The following TIAM1 variants were observed in gnomAD, a reference collection of about 807,000 sequenced individuals.
TIAM1 encodes the protein TIAM Rac1 associated GEF 1.
Under a neutral mutation model 163.5 loss-of-function variants are expected in TIAM1, and 65 were observed. That is an observed-to-expected ratio of 0.40 (90% CI 0.33 to 0.49). The LOEUF (loss-of-function observed/expected upper bound fraction) is 0.49. Ranked by LOEUF, TIAM1 falls within the 20% of genes least tolerant of loss-of-function variation. The probability of loss-of-function intolerance (pLI) is 0.77; values close to 1 mark genes in which losing one functional copy is unlikely to be tolerated. For synonymous variants in TIAM1, 833 were observed against 810.1 expected (o/e 1.03, Z -0.48); for missense variants, 1,789 against 2,044.7 (o/e 0.87, Z 2.41).
At chr21:31,298,053 G>C (rs2074357878) in intron 2 of TIAM1, among the ~76,000 whole-genome samples, 1 of 152,148 alleles carries the variant, frequency 6.6e-6, no homozygotes, top group Non-Finnish European at 1.5e-5. Context: ...CACCTGGGTG[G>C]GGGAGGGCAC....
chr21:31,310,492 G>C (rs972197141), intron 2 of TIAM1, among the ~76,000 whole-genome samples: 3 of 152,160 alleles, frequency 2.0e-5, no homozygotes, highest in Non-Finnish European at 4.4e-5. Context: ...AAATGGCCTT[G>C]GGTTAACGAA....
At chr21:31,311,440 T>A (rs1386795034) in intron 2 of TIAM1, among the ~76,000 whole-genome samples, 1 of 152,212 alleles carries the variant, frequency 6.6e-6, no homozygotes, top group Non-Finnish European at 1.5e-5. Context: ...CCAAACAGAA[T>A]GGAAGGTGAT....
intron 6 of TIAM1, among the ~76,000 whole-genome samples, chr21:31,236,848 C>T (rs373996750): frequency 4.6e-5 from 7 of 152,088 alleles, no homozygotes; most frequent in Non-Finnish European, 8.8e-5. Context: ...CGCCTGGGCA[C>T]GCTTACAAGT....
At position 31,549,560 on chromosome 21, in the gene TIAM1, G is replaced by A. The variant is rs369151970; in HGVS notation, c.-422+9367C>T. 1.1e-4 allele frequency among the ~76,000 whole-genome samples: 17 copies of A among 152,286 alleles called. No individual in the cohort carries two copies. In the East Asian group the frequency reaches 2.7e-3, roughly 24 times the overall value. ...TTAGCCTACAAGCACATGAAACGAT[G>A]TTCTGTTCAATGACATTATTTATTG... is the stretch of plus-strand genomic sequence containing the variant. On this transcript the variant is annotated intron_variant, in intron 1 of 28. Coordinates refer to the TIAM1 transcript ENST00000286827.
At chr21:31,432,091 C>CTG (rs2044050566) in intron 2 of TIAM1, among the ~76,000 whole-genome samples, 1 of 93,664 alleles carries the variant, frequency 1.1e-5, no homozygotes, top group African/African-American at 4.6e-5. Context: ...TCTAAGATTC[C>CTG]TTTTTTTTTT....
Position 31,130,948 on chromosome 21 carries a change from A to G in TIAM1, c.3884T>C (p.Val1295Ala). The change falls in exon 24 of 28, where the codon GTC becomes GCC. Residue 1295 changes from valine to alanine, a missense_variant and splice_region_variant. Physicochemically the swap from Val to Ala is moderately conservative, Grantham distance 64. Transcript: ENST00000541036. The part of the protein sequence containing the change: ...WKKEPELAAF[V>A]FKTAVVLVYK... ...CACAAGGACCACAGCAGTTTTGAAGACTGGAAAAAATAAAATAAAGACAGT... is the reference window on the plus strand; with the variant it reads ...CACAAGGACCACAGCAGTTTTGAAGGCTGGAAAAAATAAAATAAAGACAGT... 6.2e-7 allele frequency: 1 copy of G among 1,613,586 alleles called. No individual in the cohort carries two copies. Among genetic ancestry groups the G allele is most frequent in the Non-Finnish European group, 8.5e-7 (1 of 1,179,824 alleles).
At chr21:31,477,189 G>C (rs2268235) in intron 1 of TIAM1, among the ~76,000 whole-genome samples, 19,170 of 152,138 alleles carry the variant, frequency 0.13, 1,300 homozygotes, top group Admixed American at 0.15. Context: ...ATCAGAGGGA[G>C]GTTTCCACAG....
chr21:31,130,134 A>G (rs2146231015), intron 25 of TIAM1, 79 bp downstream of exon 25: 1 of 1,245,018 alleles, frequency 8.0e-7, no homozygotes, highest in Non-Finnish European at 1.2e-6. Context: ...AGTTAGACCA[A>G]GAGTGTGGAT....
At chr21:31,149,759 C>T (rs1376389451) in intron 19 of TIAM1, among the ~76,000 whole-genome samples, 3 of 152,150 alleles carry the variant, frequency 2.0e-5, no homozygotes, top group Non-Finnish European at 4.4e-5. Flanking sequence ...TATCTAACTA[C>T]CAGGCCACAT....
intron 1 of TIAM1, among the ~76,000 whole-genome samples, chr21:31,513,671 T>A (rs776851622): frequency 2.4e-4 from 36 of 152,170 alleles, no homozygotes; most frequent in Non-Finnish European, 4.3e-4. Context: ...TACCATGCCC[T>A]TCAGTTGTTT....
At chr21:31,375,375 G>A (rs1361049979) in intron 2 of TIAM1, among the ~76,000 whole-genome samples, 2 of 152,124 alleles carry the variant, frequency 1.3e-5, no homozygotes, top group African/African-American at 4.8e-5. Context: ...TCTCCGTGTA[G>A]TATACACATA....
At chr21:31,542,626 C>G (rs1019590984) in intron 1 of TIAM1, among the ~76,000 whole-genome samples, 2 of 152,094 alleles carry the variant, frequency 1.3e-5, no homozygotes, top group Non-Finnish European at 1.5e-5. Context: ...CTTCCGCAAC[C>G]ATTTGCAGGT....
At chr21:31,522,407 G>A (rs573484185) in intron 1 of TIAM1, among the ~76,000 whole-genome samples, 5 of 151,648 alleles carry the variant, frequency 3.3e-5, no homozygotes, top group African/African-American at 9.7e-5. Flanking sequence ...CTACTCAGTA[G>A]GCTGAGGCAG....
At chr21:31,348,134 C>T (rs2833384), upstream of TIAM1, among the ~76,000 whole-genome samples, 14,140 of 152,166 alleles carry the variant, frequency 0.093, 1,045 homozygotes, top group East Asian at 0.42. Flanking sequence ...AATAGCTGGG[C>T]TTTAAAATTC....
At chr21:31,204,293 G>C (rs1395045333) in intron 11 of TIAM1, among the ~76,000 whole-genome samples, 3 of 152,118 alleles carry the variant, frequency 2.0e-5, no homozygotes, top group African/African-American at 4.8e-5. Context: ...ATAAGAGTTG[G>C]GGGTGGGAGT....
At chr21:31,333,188 C>G (rs945343159) in intron 2 of TIAM1, among the ~76,000 whole-genome samples, 2 of 152,166 alleles carry the variant, frequency 1.3e-5, no homozygotes, top group African/African-American at 4.8e-5. Flanking sequence ...CTCAGCTGCC[C>G]CGAGGGCTGA....
chr21:31,286,132 G>T (rs2073800214), intron 2 of TIAM1, among the ~76,000 whole-genome samples: 1 of 152,114 alleles, frequency 6.6e-6, no homozygotes, highest in African/African-American at 2.4e-5. Flanking sequence ...CCATTGCTAG[G>T]GGGATATTAT....
intron 2 of TIAM1, among the ~76,000 whole-genome samples, chr21:31,407,551 C>T (rs1026324373): frequency 1.3e-5 from 2 of 151,906 alleles, no homozygotes; most frequent in Middle Eastern, 3.4e-3. Context: ...GTCCGTGGCT[C>T]GACCCATCGG....
chr21:31,292,145 C>G (rs2146919114), intron 2 of TIAM1, among the ~76,000 whole-genome samples: 1 of 152,302 alleles, frequency 6.6e-6, no homozygotes, highest in East Asian at 1.9e-4. Context: ...ATCTGCAAAA[C>G]AGGATACCTG....
Sources: gnomAD v4.1 joint callset for allele counts (sites outside exome capture counted in the v4.1 genomes callset) on GRCh38, gnomAD v4.1.1 for gene constraint, MANE v1.5 for transcripts, NCBI Gene and HGNC (gene_info 2026-07-23, HGNC 2026-07-21) for gene names.